MAU2: variants seen among roughly 807,000 people sequenced by gnomAD.
MAU2 encodes MAU2 chromatid cohesion factor homolog.
MAU2 carries 9 observed loss-of-function variants against 89.1 expected under a neutral mutation model. The observed-to-expected ratio is 0.10, with a 90% CI of 0.06 to 0.18. The LOEUF (loss-of-function observed/expected upper bound fraction) is 0.18. Ranked by LOEUF, MAU2 falls within the 10% of genes least tolerant of loss-of-function variation. The probability of loss-of-function intolerance (pLI) is 1.00; values close to 1 mark genes in which losing one functional copy is unlikely to be tolerated. For synonymous variants in MAU2, 357 were observed against 343.4 expected (o/e 1.04, Z -0.44); for missense variants, 425 against 803.5 (o/e 0.53, Z 5.69).
chr19:19,333,420 AG>A (rs774286092), intron 1 of MAU2, among the ~76,000 whole-genome samples: 11 of 152,218 alleles, frequency 7.2e-5, no homozygotes, highest in Non-Finnish European at 1.6e-4. Context: ...CAGGAGGTCA[AG>A]GCTGCAGTGA....
Position 19,323,522 on chromosome 19 carries a change from T to G in MAU2, c.276+2387T>G, listed in dbSNP as rs188603728. The stretch of plus-strand genomic sequence containing the variant: ...TTTATTTATTTATTTATTTATTTAT[T>G]TTGAGACAGGGTCTCGCTCCATCAC... On this transcript the variant is annotated intron_variant, in intron 1 of 18. Transcript: ENST00000262815. 1.0e-3 allele frequency among the ~76,000 whole-genome samples: 155 copies of G among 152,222 alleles called. 2 individuals carry two copies. Among genetic ancestry groups the G allele is most frequent in the African/African-American group, 3.5e-3 (144 of 41,524 alleles).
rs1002725387 is a variant in MAU2 at position 19,337,177 on chromosome 19, T to C, written c.368T>C (p.Val123Ala). ...LSELYCQENSVDAAKPLLRKA... is the reference protein window; with the variant it reads ...LSELYCQENSADAAKPLLRKA... ...GTGACTATTTCCTTTCAGAATTCCG[T>C]TGATGCAGCAAAGCCGCTGCTGCGG... is the stretch of plus-strand genomic sequence containing the variant. The change falls in exon 4 of 19, where the codon GTT becomes GCT. Residue 123 changes from valine to alanine, a missense_variant. Val to Ala is a moderately conservative substitution (Grantham distance 64, BLOSUM62 0). This residue lies in a region of MAU2 where 119 missense variants were observed against 299.8 expected (regional missense o/e 0.40). Transcript: ENST00000262815. 2 of 1,612,178 alleles carry C rather than the reference T, an allele frequency of 1.2e-6. No homozygotes were observed. The highest frequency in any genetic ancestry group is 1.7e-6 in the Non-Finnish European group (2 of 1,178,622).
In MAU2 at chr19:19,357,181, C is replaced by G. The variant is rs1042404685; in HGVS notation, c.*1399C>G. 6.6e-6 allele frequency: 1 copy of G among 152,302 alleles called. No individual in the cohort carries two copies. The highest frequency in any genetic ancestry group is 1.5e-5 in the Non-Finnish European group (1 of 68,198). 9.4% of individuals were successfully genotyped at this position (152,302 alleles called of 1,614,324 possible). A position where few individuals can be genotyped will look rare whatever the true frequency, so the allele number is the denominator to read the frequency against. On this transcript the variant is annotated 3_prime_UTR_variant, in exon 19 of 19. Transcript: ENST00000262815. ...CCACAGGCAGGGCTGTCAATAACCC[C>G]CTTCCTCACTGGCCACCACCTGACA...
intron 1 of MAU2, among the ~76,000 whole-genome samples, chr19:19,326,400 A>T (rs571204043): frequency 3.3e-5 from 5 of 151,834 alleles, no homozygotes; most frequent in African/African-American, 9.7e-5. Context: ...CAGAAAAAAA[A>T]ATATAGCCGG....
intron 16 of MAU2, 57 bp downstream of exon 16, chr19:19,349,493 C>A: frequency 6.8e-7 from 1 of 1,474,252 alleles, no homozygotes; most frequent in Non-Finnish European, 9.4e-7. Context: ...GGCTGAGGGA[C>A]AGGAGCCGGC....
chr19:19,356,480 G>C lies in MAU2; in HGVS notation c.*698G>C. ...ACGGGTGTGCATGTGGATGCACACG[G>C]GTGTGCGGTGAAGATCTGTGGAGAT... is the stretch of plus-strand genomic sequence containing the variant. On this transcript the variant is annotated 3_prime_UTR_variant, in exon 19 of 19. Transcript: ENST00000262815. 9.7e-6 allele frequency: 2 copies of C among 205,490 alleles called. No homozygotes were observed. The allele number at this position is 205,490 out of a possible 1,614,324, so 12.7% of individuals were successfully genotyped here.
Position 19,335,845 on chromosome 19 carries a change from C to T in MAU2, c.294+110C>T, listed in dbSNP as rs548823062. 1,352 of 1,298,106 alleles carry T rather than the reference C, an allele frequency of 1.0e-3. 6 individuals carry two copies. The highest frequency in any genetic ancestry group is 4.1e-3 in the South Asian group (342 of 83,278). 80.4% of individuals were successfully genotyped at this position (1,298,106 alleles called of 1,614,324 possible). On this transcript the variant is annotated intron_variant, in intron 2 of 18. Transcript: ENST00000262815. ...CCGACATGCCCTGTGAGTTGAGGCT[C>T]GGCCCACAGAGCACCTGGAGTGTCC...
rs559895784 is a variant in MAU2, at chr19:19,355,427, T to C, written c.1767+36T>C. 5.6e-6 allele frequency: 9 copies of C among 1,607,900 alleles called. No homozygotes were observed. In the African/African-American group the frequency reaches 1.1e-4, roughly 19 times the overall value. ...GGGTGTTAGGGGACGGGATCAGGAC[T>C]AGCGGGCTCCCCACCTGCAAGAGGA... On this transcript the variant is annotated intron_variant, in intron 18 of 18. Transcript: ENST00000262815.
chr19:19,321,716 C>A (rs147436765), intron 1 of MAU2: 1 of 152,248 alleles, frequency 6.6e-6, no homozygotes, highest in East Asian at 2.0e-4. Context: ...TGCCTGGTGT[C>A]GTACGAGGGA....
In MAU2 at chr19:19,357,380, G is replaced by A. The variant is rs1350046265; in HGVS notation, c.*1598G>A. The A allele has an allele frequency of 6.6e-6, 1 of 152,390 alleles. No individual in the cohort carries two copies. Among genetic ancestry groups the A allele is most frequent in the African/African-American group, 2.4e-5 (1 of 41,424 alleles). 9.4% of individuals were successfully genotyped at this position (152,390 alleles called of 1,614,324 possible). On this transcript the variant is annotated 3_prime_UTR_variant, in exon 19 of 19. Transcript: ENST00000262815. The stretch of plus-strand genomic sequence containing the variant: ...AGCGTGTGGCACTGGCCCACAAACT[G>A]TCCCTGTCCTGTCTTCCTCCCGAGC...
chr19:19,337,660 T>G (rs1470390227), intron 4 of MAU2, among the ~76,000 whole-genome samples: 1 of 152,016 alleles, frequency 6.6e-6, no homozygotes, highest in African/African-American at 2.4e-5. Context: ...CCACTGTGGG[T>G]TTTTTTTAGG....
At chr19:19,326,722 A>ATATATATATATG (rs2061510688) in intron 1 of MAU2, among the ~76,000 whole-genome samples, 1 of 38,560 alleles carries the variant, frequency 2.6e-5, no homozygotes, top group Non-Finnish European at 7.1e-5. Context: ...ATATATATAC[A>ATATATATATATG]TATATATATA....
intron 1 of MAU2, among the ~76,000 whole-genome samples, chr19:19,328,092 C>T (rs112363914): frequency 6.0e-5 from 9 of 148,898 alleles, no homozygotes; most frequent in African/African-American, 1.7e-4. Context: ...CCCAGGAGGT[C>T]GAGGCATCAG....
At chr19:19,330,679 G>A (rs2061548696) in intron 1 of MAU2, among the ~76,000 whole-genome samples, 1 of 152,138 alleles carries the variant, frequency 6.6e-6, no homozygotes, top group Admixed American at 6.5e-5. Context: ...GCCGGAGGGT[G>A]CCATGAGCCA....
At chr19:19,336,978 T>C (rs985354438) in intron 3 of MAU2, among the ~76,000 whole-genome samples, 192 bp from the exon 4 acceptor site, 1 of 152,200 alleles carries the variant, frequency 6.6e-6, no homozygotes, top group Non-Finnish European at 1.5e-5. Flanking sequence ...TGCAGAAACT[T>C]CCCAGCCAGT....
intron 1 of MAU2, among the ~76,000 whole-genome samples, chr19:19,326,469 G>A (rs1436014219): frequency 6.6e-6 from 1 of 151,466 alleles, no homozygotes; most frequent in African/African-American, 2.4e-5. Flanking sequence ...GGCGGATCAC[G>A]AGGTCAGGAG....
Position 19,340,146 on chromosome 19 carries a change from C to G in MAU2, c.552-700C>G, listed in dbSNP as rs1325388033. Among the ~76,000 whole-genome samples, 3 of 139,272 alleles carry G rather than the reference C, an allele frequency of 2.2e-5. No homozygotes were observed. The Admixed American group carries it at 2.4e-4, about 11-fold the overall frequency. The allele number at this position is 139,272 out of a possible 152,430, so 91.4% of individuals were successfully genotyped here. On this transcript the variant is annotated intron_variant, in intron 5 of 18. Transcript: ENST00000262815. ...CGCCACTGCACTCCAGCCTGGGCGA[C>G]AGAGCGAGACTCCATCTCAAAAAAA...
intron 16 of MAU2, among the ~76,000 whole-genome samples, chr19:19,350,295 C>T (rs1451722494): frequency 6.4e-5 from 2 of 31,436 alleles, no homozygotes; most frequent in Non-Finnish European, 1.0e-4. Context: ...GACTCTGTCT[C>T]AGAAAAAAAA....
intron 1 of MAU2, among the ~76,000 whole-genome samples, chr19:19,327,699 T>G (rs1568649792): frequency 6.6e-6 from 1 of 151,724 alleles, no homozygotes; most frequent in Non-Finnish European, 1.5e-5. Context: ...TTTTTTGGGG[T>G]CACAGTAGTT....
Sources: allele counts gnomAD v4.1 joint callset (sites outside exome capture counted in the v4.1 genomes callset), GRCh38; gene constraint gnomAD v4.1.1; regional missense constraint gnomAD v4.1.1; transcripts MANE v1.5; gene names NCBI Gene and HGNC (gene_info 2026-07-23, HGNC 2026-07-21).